Variants in SLC1A2 observed in about 807,000 individuals in gnomAD.
SLC1A2 encodes the protein solute carrier family 1 member 2.
A neutral mutation model predicts 48.8 loss-of-function variants in SLC1A2; 15 were observed. That is an observed-to-expected ratio of 0.31 (90% CI 0.21 to 0.47). The LOEUF (loss-of-function observed/expected upper bound fraction) is 0.47, where lower values mean the gene tolerates loss of function less well. SLC1A2 is among the 20% of genes least tolerant of loss of function. SLC1A2 has a pLI of 0.99. For missense variants in SLC1A2, 502 were observed against 730.5 expected (o/e 0.69, Z 3.61); for synonymous variants, 279 against 272.6 (o/e 1.02, Z -0.23).
chr11:35,294,575 G>C (rs967739742), intron 6 of SLC1A2, among the ~76,000 whole-genome samples: 3 of 152,140 alleles, frequency 2.0e-5, no homozygotes, highest in Admixed American at 2.0e-4. Context: ...TAAAACAAGA[G>C]ATCAATTCTT....
chr11:35,322,442 A>G (rs921641038), intron 1 of SLC1A2: 7 of 638,470 alleles, frequency 1.1e-5, no homozygotes, highest in Non-Finnish European at 1.9e-5. Context: ...CTGGCACCAA[A>G]CTCTTTTTTC....
At chr11:35,354,747 C>T (rs1853394056) in intron 1 of SLC1A2, among the ~76,000 whole-genome samples, 1 of 152,116 alleles carries the variant, frequency 6.6e-6, no homozygotes, top group South Asian at 2.1e-4. Context: ...ACACTTTTTA[C>T]CCCCAACCGC....
rs771507038 is a variant in SLC1A2 at position 35,317,393 on chromosome 11, G to A, written c.141C>T (p.Leu47=). 3.1e-6 allele frequency: 5 copies of A among 1,614,064 alleles called. No individual in the cohort carries two copies. The African/African-American group carries it at 4.0e-5, about 13-fold the overall frequency. The change falls in exon 2 of 11, where the codon CTC becomes CTT. Residue 47 remains leucine, a synonymous_variant. Transcript: ENST00000278379. ...GGTACCTACCAAACACCGTCAGGGT[G>A]AGCAGCAGATTCTTCCCCAGCTTGT... is the stretch of plus-strand genomic sequence containing the variant. The part of the protein sequence containing the change: ...LCDKLGKNLL[L]TLTVFGVILG...
rs546901452 is a variant in SLC1A2, at chr11:35,295,867, C to T, written c.858-3347G>A. Among the ~76,000 whole-genome samples, 5 of 151,858 alleles carry T rather than the reference C, an allele frequency of 3.3e-5. No individual in the cohort carries two copies. The South Asian group carries it at 6.2e-4, about 19-fold the overall frequency. ...AGCTACCTAGAATTCAGTCGGTGTC[C>T]AGGTGCCAGAAACCACCAGCTTCCT... is the stretch of plus-strand genomic sequence containing the variant. On this transcript the variant is annotated intron_variant, in intron 6 of 10. Coordinates refer to ENST00000278379, the MANE Select transcript of SLC1A2 (RefSeq NM_004171.4).
chr11:35,287,236 C>T (rs3818275), intron 7 of SLC1A2, among the ~76,000 whole-genome samples: 90,479 of 151,142 alleles, frequency 0.6, 27,737 homozygotes, highest in East Asian at 0.73. Flanking sequence ...ACTGTTTCCA[C>T]CTTGGATTCG....
chr11:35,278,196 T>C (rs772864950), intron 9 of SLC1A2, among the ~76,000 whole-genome samples: 4 of 151,712 alleles, frequency 2.6e-5, no homozygotes, highest in African/African-American at 4.8e-5. Flanking sequence ...ATCAGGAAAA[T>C]CTATGGCCTT....
chr11:35,313,257 GGA>G (rs1461428818), intron 3 of SLC1A2, among the ~76,000 whole-genome samples: 1 of 152,148 alleles, frequency 6.6e-6, no homozygotes, highest in Non-Finnish European at 1.5e-5. Context: ...TAACTGACAT[GGA>G]GAGTCTGAGA....
chr11:35,264,370 A>G (rs1002948328), intron 10 of SLC1A2, among the ~76,000 whole-genome samples: 1 of 152,216 alleles, frequency 6.6e-6, no homozygotes, highest in Non-Finnish European at 1.5e-5. Flanking sequence ...GACCTTGTCA[A>G]CAGAAGTCAA....
intron 1 of SLC1A2, among the ~76,000 whole-genome samples, chr11:35,384,671 T>A (rs1801440668): frequency 6.6e-6 from 1 of 152,250 alleles, no homozygotes; most frequent in South Asian, 2.1e-4. Context: ...AGTATCCCAA[T>A]TTCTGAATGT....
chr11:35,322,485 A>G, intron 1 of SLC1A2: 1 of 853,214 alleles, frequency 1.2e-6, no homozygotes, highest in Non-Finnish European at 1.9e-6. Context: ...TGGCAACAGA[A>G]CACTCCCCAG....
At position 35,252,560 on chromosome 11, in the gene SLC1A2, T is replaced by C. The variant is rs184415736; in HGVS notation, c.*8334A>G. 1 of 152,350 alleles carries C rather than the reference T, an allele frequency of 6.6e-6. No individual in the cohort carries two copies. Among genetic ancestry groups the C allele is most frequent in the East Asian group, 1.9e-4 (1 of 5,182 alleles). The allele number at this position is 152,350 out of a possible 1,614,324, so 9.4% of individuals were successfully genotyped here. A position where few individuals can be genotyped will look rare whatever the true frequency, so the allele number is the denominator to read the frequency against. ...CTGAATTGTGTATTTACAAAGGTGCTGGACACACACAGACTTTCAAACAAT... is the reference window on the plus strand; with the variant it reads ...CTGAATTGTGTATTTACAAAGGTGCCGGACACACACAGACTTTCAAACAAT... On this transcript the variant is annotated 3_prime_UTR_variant, in exon 11 of 11. Transcript: ENST00000278379.
At chr11:35,420,198 G>C (rs556915882), upstream of SLC1A2, 1 of 192,226 alleles carries the variant, frequency 5.2e-6, no homozygotes, top group South Asian at 7.4e-5. Flanking sequence ...GAGAAGGCGC[G>C]GAGAGTTGGC....
At chr11:35,394,379 G>T (rs1854886210) in intron 1 of SLC1A2, among the ~76,000 whole-genome samples, 1 of 152,048 alleles carries the variant, frequency 6.6e-6, no homozygotes, top group Non-Finnish European at 1.5e-5. Context: ...CACAGATGGG[G>T]GGACACACCA....
intron 1 of SLC1A2, among the ~76,000 whole-genome samples, chr11:35,382,911 T>TTGAATC (rs2135210460): frequency 6.6e-6 from 1 of 152,344 alleles, no homozygotes; most frequent in East Asian, 1.9e-4. Flanking sequence ...AATGTTTCTT[T>TTGAATC]TGAATCTGAA....
At chr11:35,376,426 T>C (rs954927556) in intron 1 of SLC1A2, among the ~76,000 whole-genome samples, 14 of 152,216 alleles carry the variant, frequency 9.2e-5, no homozygotes, top group African/African-American at 3.4e-4. Flanking sequence ...TCTATGGTTA[T>C]GTAATACGTA....
rs541073870 is a variant in SLC1A2, at chr11:35,378,293, T to G, written c.17+40657A>C. On this transcript the variant is annotated intron_variant, in intron 1 of 10. Transcript: ENST00000278379. ...GCATTACTTTAGGGACTGATTATTC[T>G]GAAACGTTGTTTGGGTGATGATACC... Among the ~76,000 whole-genome samples the G allele has an allele frequency of 4.1e-4, 63 of 152,402 alleles. No homozygotes were observed. The South Asian group carries it at 0.012, about 29-fold the overall frequency.
chr11:35,306,292 G>GT (rs1316628882), intron 4 of SLC1A2, 50 bp from the exon 5 acceptor site: 1 of 1,407,184 alleles, frequency 7.1e-7, no homozygotes, highest in South Asian at 1.4e-5. Flanking sequence ...GGCCTATAAG[G>GT]TGAAAAAAAA....
At position 35,370,287 on chromosome 11, in the gene SLC1A2, G is replaced by A. The variant is rs1024054949; in HGVS notation, c.17+48663C>T. Among the ~76,000 whole-genome samples the A allele has an allele frequency of 7.9e-5, 12 of 152,320 alleles. No homozygotes were observed. The East Asian group carries it at 1.9e-3, about 24-fold the overall frequency. On this transcript the variant is annotated intron_variant, in intron 1 of 10. Transcript: ENST00000278379. ...CTCTAAGAACTGGGGCTAGGTTTATGTGATTCCAGAGCTCACTCTCTTTAG... is the reference window on the plus strand; with the variant it reads ...CTCTAAGAACTGGGGCTAGGTTTATATGATTCCAGAGCTCACTCTCTTTAG...
At chr11:35,294,735 G>A (rs1038331040) in intron 6 of SLC1A2, among the ~76,000 whole-genome samples, 7 of 152,140 alleles carry the variant, frequency 4.6e-5, no homozygotes, top group African/African-American at 1.7e-4. Flanking sequence ...AAAAAGACTA[G>A]CTATAGAGTC....
Sources: gnomAD v4.1 joint callset for allele counts (sites outside exome capture counted in the v4.1 genomes callset) on GRCh38, gnomAD v4.1.1 for gene constraint, MANE v1.5 for transcripts, NCBI Gene and HGNC (gene_info 2026-07-23, HGNC 2026-07-21) for gene names.